The following FOXO1 variants were observed in gnomAD, a reference collection of about 807,000 sequenced individuals.
FOXO1 encodes forkhead box O1, also known as forkhead box protein O1.
FOXO1 carries 6 observed loss-of-function variants against 44.1 expected under a neutral mutation model. The ratio of observed to expected loss-of-function variants is 0.14; its 90% CI spans 0.07 to 0.27. The LOEUF is 0.27. FOXO1 is among the 10% of genes least tolerant of loss of function. The pLI is 1.00. For synonymous variants in FOXO1, 380 were observed against 362.7 expected, an observed-to-expected ratio of 1.05 and a Z score of -0.54; for missense variants, 737 against 888.8, an observed-to-expected ratio of 0.83 and a Z score of 2.17.
At chr13:40,565,785 G>A (rs1309493088) in intron 1 of FOXO1, among the ~76,000 whole-genome samples, 1 of 152,124 alleles carries the variant, frequency 6.6e-6, no homozygotes, top group Non-Finnish European at 1.5e-5. Flanking sequence ...ATCACTACTG[G>A]CATAATAGCA....
intron 1 of FOXO1, among the ~76,000 whole-genome samples, chr13:40,621,858 T>C (rs1206135248): frequency 2.0e-5 from 3 of 152,212 alleles, no homozygotes; most frequent in East Asian, 3.8e-4. Context: ...CAGCATATCA[T>C]ATATGTATAG....
At chr13:40,620,243 TCC>T in intron 1 of FOXO1, 1 of 1,515,396 alleles carries the variant, frequency 6.6e-7, no homozygotes, top group East Asian at 2.3e-5. Flanking sequence ...GTGAGAAGGA[TCC>T]ATCCCGGAGA....
chr13:40,640,761 G>T (rs1420222052), intron 1 of FOXO1, among the ~76,000 whole-genome samples: 5 of 106,972 alleles, frequency 4.7e-5, no homozygotes, highest in African/African-American at 9.4e-5. Context: ...TATTTCTTTT[G>T]TTGTTGTTGT....
intron 1 of FOXO1, among the ~76,000 whole-genome samples, chr13:40,640,608 T>G (rs1340131976): frequency 1.3e-5 from 2 of 152,244 alleles, no homozygotes; most frequent in Non-Finnish European, 2.9e-5. Flanking sequence ...TGGGAAGGAC[T>G]GACCTGTTCT....
intron 1 of FOXO1, among the ~76,000 whole-genome samples, chr13:40,599,971 T>G (rs960724684): frequency 6.6e-6 from 1 of 152,200 alleles, no homozygotes; most frequent in Non-Finnish European, 1.5e-5. Flanking sequence ...TATGAAATGA[T>G]GAAATGGTTC....
At chr13:40,579,994 T>G (rs1193110920) in intron 1 of FOXO1, among the ~76,000 whole-genome samples, 4 of 152,236 alleles carry the variant, frequency 2.6e-5, no homozygotes, top group Admixed American at 1.3e-4. Context: ...TTACTTCTTT[T>G]ACAAGACAAT....
chr13:40,562,447 A>G (rs898652072), intron 1 of FOXO1, among the ~76,000 whole-genome samples: 1 of 152,146 alleles, frequency 6.6e-6, no homozygotes, highest in Non-Finnish European at 1.5e-5. Flanking sequence ...CCTAGCCCCT[A>G]ATGTGTCTTA....
chr13:40,576,988 T>C (rs1414771993), intron 1 of FOXO1, among the ~76,000 whole-genome samples: 4 of 152,222 alleles, frequency 2.6e-5, no homozygotes, highest in African/African-American at 4.8e-5. Flanking sequence ...AAGGAAATAA[T>C]GGCCTACAAT....
chr13:40,621,971 C>T (rs1346178062), intron 1 of FOXO1, among the ~76,000 whole-genome samples: 4 of 152,194 alleles, frequency 2.6e-5, no homozygotes, highest in Non-Finnish European at 5.9e-5. Flanking sequence ...CTGGCAAGAT[C>T]ATCTCAGAGA....
chr13:40,590,086 A>ATT (rs977341376), intron 1 of FOXO1, among the ~76,000 whole-genome samples: 1 of 152,184 alleles, frequency 6.6e-6, no homozygotes, highest in Non-Finnish European at 1.5e-5. Context: ...AACTCCTCCC[A>ATT]ATAACAGCAG....
At chr13:40,624,526 C>T (rs1876725014) in intron 1 of FOXO1, among the ~76,000 whole-genome samples, 1 of 152,110 alleles carries the variant, frequency 6.6e-6, no homozygotes, top group South Asian at 2.1e-4. Flanking sequence ...ATGATAAGAA[C>T]AGCACTCTGA....
chr13:40,609,236 C>CT (rs1876137719), intron 1 of FOXO1, among the ~76,000 whole-genome samples: 1 of 152,140 alleles, frequency 6.6e-6, no homozygotes, highest in African/African-American at 2.4e-5. Flanking sequence ...ATAAAGTCAT[C>CT]TGGAGGGTAG....
intron 1 of FOXO1, among the ~76,000 whole-genome samples, chr13:40,582,669 A>C (rs1165528616): frequency 6.6e-6 from 1 of 152,228 alleles, no homozygotes; most frequent in Non-Finnish European, 1.5e-5. Context: ...GCAAGTCCTC[A>C]TGAGTTCAAG....
chr13:40,559,483 G>T, intron 2 of FOXO1, 26 bp downstream of exon 2: 1 of 1,521,912 alleles, frequency 6.6e-7, no homozygotes, highest in Non-Finnish European at 8.8e-7. Context: ...TTTTCAAAAG[G>T]TCTTTTGATA....
chr13:40,661,419 G>C (rs1356385484), intron 1 of FOXO1, among the ~76,000 whole-genome samples: 1 of 151,864 alleles, frequency 6.6e-6, no homozygotes, highest in Admixed American at 6.6e-5. Context: ...GGGATTATTG[G>C]CACGATAGCT....
rs1237200014 is a variant in FOXO1 at position 40,557,577 on chromosome 13, C to T, written c.*1472G>A. On this transcript the variant is annotated 3_prime_UTR_variant, in exon 3 of 3. Coordinates refer to ENST00000379561, the MANE Select transcript of FOXO1 (RefSeq NM_002015.4). ...TCAAGTCCCATTTTTAAATTCCCTC[C>T]TTCCACTTAAACTTCCACAGTGTGC... is the stretch of plus-strand genomic sequence containing the variant. The T allele has an allele frequency of 2.0e-5, 3 of 152,200 alleles. No individual in the cohort carries two copies. Among genetic ancestry groups the T allele is most frequent in the Non-Finnish European group, 4.4e-5 (3 of 68,038 alleles). 9.4% of individuals were successfully genotyped at this position (152,200 alleles called of 1,614,324 possible). A position where few individuals can be genotyped will look rare whatever the true frequency, so the allele number is the denominator to read the frequency against.
Position 40,559,710 on chromosome 13 carries a change from TGGA to T in FOXO1, c.1778_1780del (p.Leu593del), listed in dbSNP as rs1566060421. Reference sequence around the variant, plus strand: ...CAAGTCACTTGGGAGCTTCTCCTGGTGGAGAAGGCCCATTCTGCCATAGCCATT... The same window carrying T: ...CAAGTCACTTGGGAGCTTCTCCTGGTGAAGGCCCATTCTGCCATAGCCATT... On this transcript the variant is annotated inframe_deletion, in exon 2 of 3. Coordinates refer to ENST00000379561, the MANE Select transcript of FOXO1 (RefSeq NM_002015.4). 1 of 1,613,950 alleles carries T rather than the reference TGGA, an allele frequency of 6.2e-7. No individual in the cohort carries two copies. Among genetic ancestry groups the T allele is most frequent in the East Asian group, 2.2e-5 (1 of 44,878 alleles).
chr13:40,585,616 C>T (rs1875135127), intron 1 of FOXO1, among the ~76,000 whole-genome samples: 1 of 152,142 alleles, frequency 6.6e-6, no homozygotes, highest in Non-Finnish European at 1.5e-5. Flanking sequence ...GCCCTGAAGA[C>T]ATGAAAAGTG....
intron 1 of FOXO1, among the ~76,000 whole-genome samples, chr13:40,591,466 G>A (rs1019959276): frequency 6.6e-6 from 1 of 152,142 alleles, no homozygotes. Flanking sequence ...TCCAGGAATG[G>A]AGAAGTACAA....
Sources: gnomAD v4.1 joint callset for allele counts (sites outside exome capture counted in the v4.1 genomes callset) on GRCh38, gnomAD v4.1.1 for gene constraint, MANE v1.5 for transcripts, NCBI Gene and HGNC (gene_info 2026-07-23, HGNC 2026-07-21) for gene names.